MYO3A: variants seen among roughly 807,000 people sequenced by gnomAD.
MYO3A encodes the protein myosin-IIIa.
In MYO3A, 180 loss-of-function variants were observed where a neutral mutation model predicts 192.7. That is an observed-to-expected ratio of 0.93 (90% CI 0.83 to 1.06). MYO3A has a LOEUF of 1.06. Ranked by LOEUF, MYO3A falls within the 50% of genes least tolerant of loss-of-function variation. The pLI is 0.00. For missense variants in MYO3A, 1,896 were observed against 1,905.0 expected (o/e 1.00, Z 0.09); for synonymous variants, 628 against 645.3 (o/e 0.97, Z 0.41).
Position 26,211,864 on chromosome 10 carries a change from C to A in MYO3A, c.4752C>A (p.Pro1584=). Residue 1584 remains proline (P), a synonymous_variant, in exon 35 of 35, where the codon CCC becomes CCA. Transcript: ENST00000642920. ...ANERCWAAES[P]EKEEEREPAA... ...GCAGGTGCTGGGCGGCGGAGAGCCCCGAGAAGGAGGAGGAGAGAGAGCCAG... is the reference window on the plus strand; with the variant it reads ...GCAGGTGCTGGGCGGCGGAGAGCCCAGAGAAGGAGGAGGAGAGAGAGCCAG... 6.2e-7 allele frequency: 1 copy of A among 1,614,044 alleles called. No individual in the cohort carries two copies. Among genetic ancestry groups the A allele is most frequent in the Non-Finnish European group, 8.5e-7 (1 of 1,179,994 alleles).
chr10:26,056,346 T>C (rs1834109148), intron 10 of MYO3A, among the ~76,000 whole-genome samples: 1 of 151,922 alleles, frequency 6.6e-6, no homozygotes, highest in South Asian at 2.1e-4. Context: ...GTGGAATAAC[T>C]AAAAAAGGTA....
At chr10:26,154,004 C>T (rs113065633) in intron 24 of MYO3A, 75 bp downstream of exon 24, 9 of 1,057,894 alleles carry the variant, frequency 8.5e-6, no homozygotes, top group East Asian at 2.4e-5. Flanking sequence ...GTATGCTTCT[C>T]AAAGTCAACA....
At chr10:26,011,577 T>TTA (rs1334300756) in intron 6 of MYO3A, among the ~76,000 whole-genome samples, 1 of 152,078 alleles carries the variant, frequency 6.6e-6, no homozygotes, top group African/African-American at 2.4e-5. Flanking sequence ...CAGGAAGTAA[T>TTA]GGAAACCTTA....
At chr10:26,179,979 G>A (rs187691594) in intron 31 of MYO3A, among the ~76,000 whole-genome samples, 11 of 152,196 alleles carry the variant, frequency 7.2e-5, no homozygotes, top group Admixed American at 2.6e-4. Flanking sequence ...GACTACAAAC[G>A]TGCGGCACCA....
In MYO3A at chr10:26,183,954, C is replaced by T. The variant is rs370846654; in HGVS notation, c.4438+7109C>T. ...AGCATGAGAATTAAGGGTACGAAGGCTCAGGCCTGTAATCCCAGCTACTCG... is the reference window on the plus strand; with the variant it reads ...AGCATGAGAATTAAGGGTACGAAGGTTCAGGCCTGTAATCCCAGCTACTCG... On this transcript the variant is annotated intron_variant, in intron 31 of 34. Transcript: ENST00000642920. Among the ~76,000 whole-genome samples, 5 of 152,150 alleles carry T rather than the reference C, an allele frequency of 3.3e-5. No homozygotes were observed. The East Asian group carries it at 7.7e-4, about 23-fold the overall frequency.
rs1842363294 is a variant in MYO3A at position 26,176,881 on chromosome 10, A to G, written c.4438+36A>G. The G allele has an allele frequency of 1.9e-6, 3 of 1,605,848 alleles. No homozygotes were observed. The Admixed American group carries it at 5.0e-5, about 27-fold the overall frequency. The stretch of plus-strand genomic sequence containing the variant: ...GTAGAGTTAGAACTTCCTGAATGGG[A>G]AGGAAATGCCAGATACTTTGTTTAT... On this transcript the variant is annotated intron_variant, in intron 31 of 34. Coordinates refer to ENST00000642920, the MANE Select transcript of MYO3A (RefSeq NM_017433.5).
chr10:26,061,698 G>C (rs576917839), intron 10 of MYO3A, among the ~76,000 whole-genome samples: 2 of 152,176 alleles, frequency 1.3e-5, no homozygotes, highest in Non-Finnish European at 2.9e-5. Context: ...TCTTTTCTAA[G>C]TTTTTGACGG....
At chr10:25,996,989 C>A (rs937156440) in intron 5 of MYO3A, among the ~76,000 whole-genome samples, 170 bp from the exon 6 acceptor site, 3 of 152,070 alleles carry the variant, frequency 2.0e-5, no homozygotes, top group Non-Finnish European at 4.4e-5. Flanking sequence ...TTATATAATT[C>A]AAAGTGGAAA....
Position 26,032,244 on chromosome 10 carries a change from A to C in MYO3A, c.953+5712A>C, listed in dbSNP as rs184298201. 2.0e-5 allele frequency among the ~76,000 whole-genome samples: 3 copies of C among 152,324 alleles called. No individual in the cohort carries two copies. In the East Asian group the frequency reaches 5.8e-4, roughly 29 times the overall value. Reference sequence around the variant, plus strand: ...TCCCAGCATCTATGGTTTTCAGGCCAGAATATAAGGCATATTTGAGACATA... The same window carrying C: ...TCCCAGCATCTATGGTTTTCAGGCCCGAATATAAGGCATATTTGAGACATA... On this transcript the variant is annotated intron_variant, in intron 10 of 34. Transcript: ENST00000642920.
At chr10:26,184,743 G>A (rs930678969) in intron 31 of MYO3A, among the ~76,000 whole-genome samples, 3 of 152,236 alleles carry the variant, frequency 2.0e-5, no homozygotes, top group South Asian at 4.1e-4. Context: ...ACTGAATACA[G>A]CAATAACCTT....
rs752583448 is a variant in MYO3A at position 26,088,258 on chromosome 10, C to G, written c.1415C>G (p.Ala472Gly). ...KILQVNNLVE[A>G]FGNACTIIND... ...TTACAAGTGAACAATTTGGTAGAAG[C>G]CTTTGGCAATGCCTGCACTATTATA... The change falls in exon 15 of 35, where the codon GCC (alanine) becomes GGC (glycine). Residue 472 changes from alanine (A) to glycine (G), a missense_variant. Transcript: ENST00000642920. 8.7e-6 allele frequency: 14 copies of G among 1,613,360 alleles called. No individual in the cohort carries two copies. The highest frequency in any genetic ancestry group is 2.2e-5 in the East Asian group (1 of 44,836).
chr10:25,993,717 C>T (rs1162745374), intron 4 of MYO3A, among the ~76,000 whole-genome samples: 2 of 152,084 alleles, frequency 1.3e-5, no homozygotes, highest in African/African-American at 2.4e-5. Flanking sequence ...GTTGTGTCTT[C>T]ATTCTCATTG....
chr10:26,081,383 C>CA (rs1835947558), intron 14 of MYO3A, among the ~76,000 whole-genome samples: 1 of 152,034 alleles, frequency 6.6e-6, no homozygotes, highest in South Asian at 2.1e-4. Flanking sequence ...AGCTCCCATG[C>CA]AAACTGAAGG....
At chr10:25,959,104 G>A (rs780255519) in intron 4 of MYO3A, among the ~76,000 whole-genome samples, 6 of 151,984 alleles carry the variant, frequency 3.9e-5, no homozygotes, top group African/African-American at 9.7e-5. Context: ...GAATCATGTC[G>A]TCTGCAAACA....
In MYO3A at chr10:26,176,784, T is replaced by C; in HGVS notation, c.4377T>C (p.Tyr1459=). The C allele has an allele frequency of 6.2e-7, 1 of 1,614,062 alleles. No homozygotes were observed. Among genetic ancestry groups the C allele is most frequent in the Non-Finnish European group, 8.5e-7 (1 of 1,179,876 alleles). The change falls in exon 31 of 35, where the codon TAT becomes TAC. Residue 1459 remains tyrosine (Y), a synonymous_variant. Transcript: ENST00000642920. The stretch of plus-strand genomic sequence containing the variant: ...TGTCACAGCAACTGAAGTCACTTTA[T>C]CTGGGTGTCTCGCACCATAAGCCAA... The part of the protein sequence containing the change: ...MILSQQLKSL[Y]LGVSHHKPIN...
intron 18 of MYO3A, among the ~76,000 whole-genome samples, chr10:26,124,247 T>A (rs1296276608): frequency 2.7e-5 from 4 of 150,734 alleles, no homozygotes. Context: ...AATTGCTGAA[T>A]TTAGGCAACC....
At position 26,176,735 on chromosome 10, in the gene MYO3A, A is replaced by T. The variant is rs1842355181; in HGVS notation, c.4328A>T (p.Gln1443Leu). Reference sequence around the variant, plus strand: ...TTATCTGAAGAATATTTCATTCTGCAGAAAAAATTGAATGAAATGATTTTG... The same window carrying T: ...TTATCTGAAGAATATTTCATTCTGCTGAAAAAATTGAATGAAATGATTTTG... ...SKLSEEYFIL[Q>L]KKLNEMILSQ... Residue 1443 changes from glutamine to leucine, a missense_variant, in exon 31 of 35, where the codon CAG becomes CTG. Transcript: ENST00000642920. 2 of 1,611,102 alleles carry T rather than the reference A, an allele frequency of 1.2e-6. No individual in the cohort carries two copies. Among genetic ancestry groups the T allele is most frequent in the South Asian group, 2.2e-5 (2 of 91,018 alleles).
At chr10:25,945,953 C>A (rs1460626945) in intron 2 of MYO3A, among the ~76,000 whole-genome samples, 2 of 152,092 alleles carry the variant, frequency 1.3e-5, no homozygotes, top group Non-Finnish European at 2.9e-5. Flanking sequence ...TAAACTGATA[C>A]CAACTTAACT....
chr10:26,053,779 C>A (rs776290817), intron 10 of MYO3A, among the ~76,000 whole-genome samples: 2 of 151,762 alleles, frequency 1.3e-5, no homozygotes, highest in Admixed American at 1.3e-4. Flanking sequence ...GAGCTGAGAT[C>A]GCGCCATTGC....
Sources: gnomAD v4.1 joint callset for allele counts (sites outside exome capture counted in the v4.1 genomes callset) on GRCh38, gnomAD v4.1.1 for gene constraint, MANE v1.5 for transcripts, NCBI Gene and HGNC (gene_info 2026-07-23, HGNC 2026-07-21) for gene names.